Variants in FRAS1 observed in about 807,000 individuals in gnomAD.
FRAS1 encodes extracellular matrix organizing protein FRAS1.
FRAS1 carries 290 observed loss-of-function variants against 435.2 expected under a neutral mutation model. The ratio of observed to expected loss-of-function variants is 0.67; its 90% CI spans 0.61 to 0.73. The LOEUF is 0.73. Ranked by LOEUF, FRAS1 falls within the 30% of genes least tolerant of loss-of-function variation. FRAS1 has a pLI of 0.00. For synonymous variants in FRAS1, 1,800 were observed against 1,851.0 expected (o/e 0.97, Z 0.71); for missense variants, 4,860 against 5,001.5 (o/e 0.97, Z 0.85).
intron 65 of FRAS1, among the ~76,000 whole-genome samples, chr4:78,515,160 C>G (rs1232326870): frequency 6.6e-6 from 1 of 151,832 alleles, no homozygotes; most frequent in African/African-American, 2.4e-5. Context: ...TAGAGCCATT[C>G]ATGTGCTTGG....
chr4:78,133,843 C>A (rs1366804098), intron 2 of FRAS1, among the ~76,000 whole-genome samples: 2 of 151,896 alleles, frequency 1.3e-5, no homozygotes, highest in Non-Finnish European at 2.9e-5. Context: ...GAATCACGGG[C>A]TTTGAAAGGA....
At chr4:78,369,723 T>C in intron 22 of FRAS1, 115 bp from the exon 23 acceptor site, 3 of 814,870 alleles carry the variant, frequency 3.7e-6, no homozygotes, top group Non-Finnish European at 5.4e-6. Context: ...CATAATGAAA[T>C]GTAGAGCAGG....
At chr4:78,134,893 G>A (rs1283687286) in intron 2 of FRAS1, among the ~76,000 whole-genome samples, 1 of 152,130 alleles carries the variant, frequency 6.6e-6, no homozygotes, top group East Asian at 1.9e-4. Context: ...AGTGATGTGG[G>A]TGAGATTTGA....
chr4:78,499,894 A>G lies in FRAS1; in HGVS notation c.9289A>G (p.Lys3097Glu). The G allele has an allele frequency of 6.3e-7, 1 of 1,581,724 alleles. No individual in the cohort carries two copies. Among genetic ancestry groups the G allele is most frequent in the Non-Finnish European group, 8.6e-7 (1 of 1,157,652 alleles). The change falls in exon 61 of 74, where the codon AAG becomes GAG. Residue 3097 changes from lysine (K) to glutamate (E), a missense_variant. Lys to Glu is a moderately conservative substitution (Grantham distance 56). Transcript: ENST00000512123. ...SAQSGVDYYP[K>E]SRVLKFSPGV... The stretch of plus-strand genomic sequence containing the variant: ...CCAGTCTGGTGTGGATTATTACCCA[A>G]AGAGCCGAGTCTTGAAGTTCAGTCC...
intron 2 of FRAS1, among the ~76,000 whole-genome samples, chr4:78,226,866 GT>G: frequency 6.6e-6 from 1 of 151,814 alleles, no homozygotes; most frequent in Non-Finnish European, 1.5e-5. Flanking sequence ...TCTTTTCTGT[GT>G]TTTTTATCCT....
At chr4:78,277,721 T>C (rs1480563550) in intron 9 of FRAS1, among the ~76,000 whole-genome samples, 1 of 152,118 alleles carries the variant, frequency 6.6e-6, no homozygotes, top group African/African-American at 2.4e-5. Flanking sequence ...ATTTTAAAAT[T>C]ATTGATATTG....
Position 78,331,437 on chromosome 4 carries a change from G to T in FRAS1, c.2138-1835G>T, listed in dbSNP as rs371399548. 3.0e-3 allele frequency among the ~76,000 whole-genome samples: 452 copies of T among 152,282 alleles called. 1 individual carries two copies. The highest frequency in any genetic ancestry group is 0.011 in the African/African-American group (442 of 41,554). On this transcript the variant is annotated intron_variant, in intron 18 of 73. Transcript: ENST00000512123. ...GGGTCAAGGCTGCAGCAGAGCACTGGAAGGCTTAGGGCAACAGTCATATAC... is the reference window on the plus strand; with the variant it reads ...GGGTCAAGGCTGCAGCAGAGCACTGTAAGGCTTAGGGCAACAGTCATATAC...
intron 2 of FRAS1, among the ~76,000 whole-genome samples, chr4:78,164,210 C>T (rs538349274): frequency 3.9e-5 from 6 of 152,052 alleles, no homozygotes; most frequent in Non-Finnish European, 7.4e-5. Context: ...GGAAGGGAAC[C>T]GTTTGTGTGG....
At chr4:78,124,992 G>A (rs1719260238) in intron 2 of FRAS1, among the ~76,000 whole-genome samples, 1 of 152,040 alleles carries the variant, frequency 6.6e-6, no homozygotes, top group African/African-American at 2.4e-5. Context: ...ATCTCCTTCA[G>A]TTCTGCTCTG....
intron 17 of FRAS1, 79 bp downstream of exon 17, chr4:78,317,587 T>G: frequency 2.3e-6 from 3 of 1,332,834 alleles, no homozygotes; most frequent in Non-Finnish European, 3.1e-6. Context: ...AATATAACTT[T>G]CCAGTGTAAC....
intron 2 of FRAS1, among the ~76,000 whole-genome samples, chr4:78,098,514 A>G (rs1029780819): frequency 6.6e-6 from 1 of 152,054 alleles, no homozygotes; most frequent in Non-Finnish European, 1.5e-5. Context: ...ACCTCAAGTT[A>G]TCCATCCATC....
At chr4:78,080,639 A>G (rs538592981) in intron 2 of FRAS1, among the ~76,000 whole-genome samples, 5 of 152,300 alleles carry the variant, frequency 3.3e-5, no homozygotes, top group African/African-American at 1.2e-4. Flanking sequence ...TCATAATTAC[A>G]TAGTTTAAAC....
intron 2 of FRAS1, among the ~76,000 whole-genome samples, chr4:78,120,046 C>G (rs1238117114): frequency 6.6e-6 from 1 of 152,120 alleles, no homozygotes; most frequent in East Asian, 1.9e-4. Context: ...TTGTCTTAAT[C>G]AGATCTATGG....
At chr4:78,177,087 GTTTT>G (rs35373726) in intron 2 of FRAS1, among the ~76,000 whole-genome samples, 1 of 133,318 alleles carries the variant, frequency 7.5e-6, no homozygotes. Context: ...AGTGATGTGA[GTTTT>G]TTTTTTTTTT....
At chr4:78,461,278 G>GA (rs1322799756) in intron 47 of FRAS1, among the ~76,000 whole-genome samples, 2 of 151,904 alleles carry the variant, frequency 1.3e-5, no homozygotes, top group African/African-American at 2.4e-5. Context: ...CTTTCATATT[G>GA]AAAAAACTTT....
chr4:78,505,736 C>T (rs1042133931), intron 61 of FRAS1, among the ~76,000 whole-genome samples: 2 of 144,444 alleles, frequency 1.4e-5, no homozygotes, highest in African/African-American at 2.5e-5. Flanking sequence ...TCTGTCAACT[C>T]GCCAAAGTCA....
intron 20 of FRAS1, among the ~76,000 whole-genome samples, chr4:78,338,796 T>C (rs1730281701): frequency 6.6e-6 from 1 of 152,050 alleles, no homozygotes; most frequent in Non-Finnish European, 1.5e-5. Context: ...GTCTGGTGGA[T>C]TGAGGGTGGG....
intron 9 of FRAS1, among the ~76,000 whole-genome samples, chr4:78,275,864 T>G (rs1726990405): frequency 1.3e-5 from 2 of 152,324 alleles, no homozygotes; most frequent in African/African-American, 4.8e-5. Context: ...GTTGGCCTGC[T>G]TTGCTAGATT....
chr4:78,298,184 T>C (rs1728237551), intron 14 of FRAS1, among the ~76,000 whole-genome samples: 1 of 148,882 alleles, frequency 6.7e-6, no homozygotes, highest in African/African-American at 2.4e-5. Flanking sequence ...ATATAAAATA[T>C]AAGGTACAGA....
Sources: allele counts gnomAD v4.1 joint callset (sites outside exome capture counted in the v4.1 genomes callset), GRCh38; gene constraint gnomAD v4.1.1; transcripts MANE v1.5; gene names NCBI Gene and HGNC (gene_info 2026-07-23, HGNC 2026-07-21).